The following APC variants were observed in gnomAD, a reference collection of about 807,000 sequenced individuals.
The protein encoded by APC is adenomatous polyposis coli protein.
Under a neutral mutation model 247.0 loss-of-function variants are expected in APC, and 72 were observed. The observed-to-expected ratio is 0.29, with a 90% CI of 0.24 to 0.35. APC has a LOEUF of 0.35. APC is among the 10% of genes least tolerant of loss of function. The pLI is 1.00. For missense variants in APC, 3,400 were observed against 3,360.7 expected, an observed-to-expected ratio of 1.01 and a Z score of -0.29; for synonymous variants, 1,254 against 1,162.5, an observed-to-expected ratio of 1.08 and a Z score of -1.60.
At chr5:112,717,244 C>T (rs1475240638) in intron 1 of APC, among the ~76,000 whole-genome samples, 1 of 152,202 alleles carries the variant, frequency 6.6e-6, no homozygotes, top group Admixed American at 6.5e-5. Context: ...AAGTCCCGGC[C>T]TCCCAGAATG....
intron 4 of APC, among the ~76,000 whole-genome samples, chr5:112,769,069 TTG>T (rs1756720141): frequency 6.8e-6 from 1 of 146,046 alleles, no homozygotes. Flanking sequence ...TTTTTTTTTT[TTG>T]AGATAAGAGT....
intron 5 of APC, among the ~76,000 whole-genome samples, chr5:112,778,940 T>G (rs1308267575): frequency 6.6e-6 from 1 of 152,142 alleles, no homozygotes; most frequent in Non-Finnish European, 1.5e-5. Context: ...GAGACCAAAA[T>G]AGACAAAAAG....
intron 3 of APC, 113 bp from the exon 4 acceptor site, chr5:112,767,076 A>G: frequency 2.0e-6 from 2 of 987,864 alleles, no homozygotes. Flanking sequence ...AGTCATGTAT[A>G]TTTGTGGTTA....
At chr5:112,833,258 C>CTG (rs1371736300) in intron 14 of APC, among the ~76,000 whole-genome samples, 1 of 150,218 alleles carries the variant, frequency 6.7e-6, no homozygotes, top group African/African-American at 2.5e-5. Flanking sequence ...TCTCGGCTCA[C>CTG]TGCAACCTCT....
rs1419180532 is a variant in APC at position 112,839,022 on chromosome 5, A to G, written c.3428A>G (p.Tyr1143Cys). 7 of 1,614,192 alleles carry G rather than the reference A, an allele frequency of 4.3e-6. No homozygotes were observed. In the Admixed American group the frequency reaches 5.0e-5, roughly 12 times the overall value. ...DDYEDDKPTN[Y>C]SERYSEEEQH... is the part of the protein sequence containing the mutation. ...TATGAAGATGATAAGCCTACCAATT[A>G]TAGTGAACGTTACTCTGAAGAAGAA... Residue 1143 changes from tyrosine to cysteine, a missense_variant, in exon 16 of 16, where the codon TAT becomes TGT. Coordinates refer to ENST00000257430, the MANE Select transcript of APC (RefSeq NM_000038.6). The surrounding 1 kb of genome is among the most constrained non-coding windows in gnomAD (Gnocchi z 5.0).
At chr5:112,741,739 C>T (rs867877323) in intron 1 of APC, among the ~76,000 whole-genome samples, 19 of 152,110 alleles carry the variant, frequency 1.2e-4, no homozygotes, top group African/African-American at 4.6e-4. Flanking sequence ...TTAATCTTCC[C>T]TAATTAAAAC....
intron 1 of APC, among the ~76,000 whole-genome samples, chr5:112,712,833 A>C (rs1381818834): frequency 1.3e-5 from 2 of 152,108 alleles, no homozygotes; most frequent in Non-Finnish European, 2.9e-5. Context: ...TATCTTGTTT[A>C]GTTAGGCCCC....
At chr5:112,781,259 C>T (rs1275885173) in intron 6 of APC, among the ~76,000 whole-genome samples, 4 of 152,100 alleles carry the variant, frequency 2.6e-5, no homozygotes, top group Non-Finnish European at 1.5e-5. Flanking sequence ...TGTCACTGCT[C>T]TTCAAATTGT....
At chr5:112,774,175 C>G (rs1757347683) in intron 4 of APC, among the ~76,000 whole-genome samples, 1 of 151,974 alleles carries the variant, frequency 6.6e-6, no homozygotes, top group South Asian at 2.1e-4. Context: ...TAGTGTATCC[C>G]TACATAGATT....
chr5:112,815,784 A>G (rs1156894584), intron 9 of APC, among the ~76,000 whole-genome samples, 191 bp downstream of exon 9: 2 of 152,214 alleles, frequency 1.3e-5, no homozygotes, highest in South Asian at 2.1e-4. Flanking sequence ...AAAAATACAA[A>G]AATTTAGCCA....
rs2149779179 is a variant in APC, at chr5:112,819,003, C to A, written c.971C>A (p.Thr324Asn). 6.2e-7 allele frequency: 1 copy of A among 1,614,062 alleles called. No homozygotes were observed. The highest frequency in any genetic ancestry group is 8.5e-7 in the Non-Finnish European group (1 of 1,179,970). The change falls in exon 10 of 16, where the codon ACT becomes AAT. Residue 324 changes from threonine (T) to asparagine (N), a missense_variant. Physicochemically the swap from Thr to Asn is moderately conservative, Grantham distance 65. Around this residue, in one of 9 missense-constraint regions of APC, gnomAD observed 8 missense variants for 24.3 expected, o/e 0.33. Coordinates refer to ENST00000257430, the MANE Select transcript of APC (RefSeq NM_000038.6). ...MVYSLLSMLGTHDKDDMSRTL... is the reference protein window; with the variant it reads ...MVYSLLSMLGNHDKDDMSRTL... ...TATTCATTGTTGTCAATGCTTGGTA[C>A]TCATGATAAGGATGATATGTCGCGA...
In APC at chr5:112,842,456, C is replaced by G. The variant is rs1415318567; in HGVS notation, c.6862C>G (p.Gln2288Glu). The G allele has an allele frequency of 6.2e-7, 1 of 1,613,976 alleles. No homozygotes were observed. Among genetic ancestry groups the G allele is most frequent in the Non-Finnish European group, 8.5e-7 (1 of 1,179,902 alleles). Residue 2288 changes from glutamine (Q) to glutamate (E), a missense_variant, in exon 16 of 16, where the codon CAG (glutamine) becomes GAG (glutamate). Physicochemically the swap from Gln to Glu is conservative, Grantham distance 29. Coordinates refer to ENST00000257430, the MANE Select transcript of APC (RefSeq NM_000038.6). The stretch of plus-strand genomic sequence containing the variant: ...ATCAGAATTAAGCCCTGTTGCCAGG[C>G]AGACATCCCAAATAGGTGGGTCAAG... ...VKSELSPVAR[Q>E]TSQIGGSSKA...
At position 112,837,089 on chromosome 5, in the gene APC, G is replaced by T. The variant is rs1966477; in HGVS notation, c.1959-464G>T. ...AAAAAGTAAGTGTTCTAATCTAAGA[G>T]CTTATAATGTGCACTGACTGCAGAA... is the stretch of plus-strand genomic sequence containing the variant. On this transcript the variant is annotated intron_variant, in intron 15 of 15. Transcript: ENST00000257430. Among the ~76,000 whole-genome samples, 93,143 of 152,022 alleles carry T rather than the reference G, an allele frequency of 0.61. 28,981 individuals are homozygous for T. The highest frequency in any genetic ancestry group is 0.82 in the East Asian group (4,265 of 5,186).
chr5:112,826,291 C>T (rs1763650163), intron 11 of APC, among the ~76,000 whole-genome samples: 1 of 152,022 alleles, frequency 6.6e-6, no homozygotes, highest in Non-Finnish European at 1.5e-5. Flanking sequence ...TTTGAATAGC[C>T]TCCACATGCA....
At chr5:112,730,145 G>T (rs186951633) in intron 1 of APC, among the ~76,000 whole-genome samples, 1 of 152,170 alleles carries the variant, frequency 6.6e-6, no homozygotes, top group African/African-American at 2.4e-5. Context: ...ATTCATTGTA[G>T]ATTCTAAAAG....
intron 7 of APC, among the ~76,000 whole-genome samples, chr5:112,796,377 AC>A (rs1561508272): frequency 6.6e-6 from 1 of 152,170 alleles, no homozygotes; most frequent in African/African-American, 2.4e-5. Flanking sequence ...CTTTCAAAAA[AC>A]ATTTTCATCC....
Position 112,840,864 on chromosome 5 carries a change from C to G in APC, c.5270C>G (p.Ser1757Cys), listed in dbSNP as rs1169261272. 1 of 1,614,080 alleles carries G rather than the reference C, an allele frequency of 6.2e-7. No homozygotes were observed. The highest frequency in any genetic ancestry group is 1.7e-5 in the Admixed American group (1 of 60,008). ...CAGGTCCAGCAAGCATCTGCGTCTTCTTCTGCACCCAACAAAAATCAGTTA... is the reference window on the plus strand; with the variant it reads ...CAGGTCCAGCAAGCATCTGCGTCTTGTTCTGCACCCAACAAAAATCAGTTA... ...MDQVQQASASSSAPNKNQLDG... is the reference protein window; with the variant it reads ...MDQVQQASASCSAPNKNQLDG... The change falls in exon 16 of 16, where the codon TCT (serine) becomes TGT (cysteine). Residue 1757 changes from serine to cysteine, a missense_variant. Ser to Cys is a moderately radical substitution (Grantham distance 112). This residue lies in a region of APC where 1,788 missense variants were observed against 1,649.5 expected (regional missense o/e 1.08). Transcript: ENST00000257430. This position sits in a 1 kb window ranked among gnomAD's most constrained non-coding sequence, Gnocchi z 4.1.
intron 1 of APC, among the ~76,000 whole-genome samples, chr5:112,710,189 C>T (rs1343760998): frequency 6.6e-6 from 1 of 152,184 alleles, no homozygotes; most frequent in Non-Finnish European, 1.5e-5. Flanking sequence ...CCCTGAAATT[C>T]TGAGGGACAT....
At chr5:112,776,777 GT>G (rs1347883493) in intron 5 of APC, among the ~76,000 whole-genome samples, 1 of 151,914 alleles carries the variant, frequency 6.6e-6, no homozygotes, top group Non-Finnish European at 1.5e-5. Flanking sequence ...GGAGGCAGAG[GT>G]TGCAATGATC....
Sources: gnomAD v4.1 joint callset for allele counts (sites outside exome capture counted in the v4.1 genomes callset) on GRCh38, gnomAD v4.1.1 for gene constraint, gnomAD v4.1.1 regional missense constraint, Gnocchi (gnomAD v3.1) non-coding constraint, MANE v1.5 for transcripts, NCBI Gene and HGNC (gene_info 2026-07-23, HGNC 2026-07-21) for gene names.